CELF4: variants seen among roughly 807,000 people sequenced by gnomAD.
The protein encoded by CELF4 is CUGBP Elav-like family member 4.
A neutral mutation model predicts 59.9 loss-of-function variants in CELF4; 18 were observed. The observed-to-expected ratio is 0.30, with a 90% CI of 0.21 to 0.45. The LOEUF (loss-of-function observed/expected upper bound fraction) is 0.45. CELF4 is among the 20% of genes least tolerant of loss of function. CELF4 has a pLI of 1.00. For synonymous variants in CELF4, 261 were observed against 267.1 expected (o/e 0.98, Z 0.22); for missense variants, 456 against 689.0 (o/e 0.66, Z 3.79).
In CELF4 at chr18:37,243,842, A is replaced by G; in HGVS notation, c.*1400T>C. On this transcript the variant is annotated 3_prime_UTR_variant, in exon 13 of 13. Coordinates refer to ENST00000420428, the MANE Select transcript of CELF4 (RefSeq NM_020180.4). The stretch of plus-strand genomic sequence containing the variant: ...GGAAAGTCTCTGGAGCAAGCGTGGA[A>G]GGCGAGTGAAGCGGAAGGTGAGTGA... 5.8e-6 allele frequency: 1 copy of G among 173,328 alleles called. No individual in the cohort carries two copies. The highest frequency in any genetic ancestry group is 1.2e-5 in the Non-Finnish European group (1 of 80,944). 10.7% of individuals were successfully genotyped at this position (173,328 alleles called of 1,614,324 possible). A position where few individuals can be genotyped will look rare whatever the true frequency, so the allele number is the denominator to read the frequency against.
chr18:37,373,277 C>T (rs960511202), intron 2 of CELF4, among the ~76,000 whole-genome samples: 2 of 152,206 alleles, frequency 1.3e-5, no homozygotes, highest in East Asian at 1.9e-4. Flanking sequence ...AAGCTGGTCT[C>T]GACTGAGGGT....
At chr18:37,341,998 T>A (rs1014634761) in intron 2 of CELF4, among the ~76,000 whole-genome samples, 3 of 152,124 alleles carry the variant, frequency 2.0e-5, no homozygotes, top group African/African-American at 7.2e-5. Flanking sequence ...GTCTGCAGGT[T>A]GCATGTCTGT....
intron 1 of CELF4, among the ~76,000 whole-genome samples, chr18:37,530,256 A>G: frequency 6.6e-6 from 1 of 152,194 alleles, no homozygotes; most frequent in Admixed American, 6.5e-5. Flanking sequence ...GGCTTTTGCA[A>G]TGATTGTGTC....
chr18:37,255,947 G>T (rs973601898), intron 11 of CELF4, among the ~76,000 whole-genome samples: 1 of 152,204 alleles, frequency 6.6e-6, no homozygotes, highest in African/African-American at 2.4e-5. Flanking sequence ...CAGCCTTCCT[G>T]GAAGAGTTTA....
intron 1 of CELF4, among the ~76,000 whole-genome samples, chr18:37,512,546 G>A (rs1278354616): frequency 6.9e-6 from 1 of 145,928 alleles, no homozygotes; most frequent in East Asian, 2.0e-4. Context: ...TCCATCTCCT[G>A]TCCTTTCTTC....
intron 3 of CELF4, chr18:37,276,528 C>T (rs2093316195): frequency 1.3e-5 from 2 of 152,148 alleles, no homozygotes; most frequent in Admixed American, 6.5e-5. Context: ...TTAGCCCATG[C>T]AGAAGAGTCC....
At chr18:37,257,283 G>C (rs1470866389) in intron 11 of CELF4, among the ~76,000 whole-genome samples, 1 of 152,194 alleles carries the variant, frequency 6.6e-6, no homozygotes, top group Non-Finnish European at 1.5e-5. Context: ...TGGGCTCTCA[G>C]CAGCGCTCTT....
At chr18:37,427,385 C>T (rs2099620966) in intron 2 of CELF4, among the ~76,000 whole-genome samples, 1 of 152,186 alleles carries the variant, frequency 6.6e-6, no homozygotes, top group Non-Finnish European at 1.5e-5. Context: ...CCAAACCCAG[C>T]TCTCCCCAGG....
intron 2 of CELF4, among the ~76,000 whole-genome samples, chr18:37,449,486 G>A (rs1328012085): frequency 1.3e-5 from 2 of 152,132 alleles, no homozygotes; most frequent in African/African-American, 4.8e-5. Context: ...AGGGTTCTTT[G>A]AGAAGCCCTA....
At chr18:37,529,386 C>T (rs750547686) in intron 1 of CELF4, among the ~76,000 whole-genome samples, 6 of 152,182 alleles carry the variant, frequency 3.9e-5, no homozygotes, top group Non-Finnish European at 7.3e-5. Context: ...GAGGTGCTTA[C>T]GACACTGTCT....
intron 1 of CELF4, among the ~76,000 whole-genome samples, chr18:37,533,067 C>G (rs532911869): frequency 6.6e-6 from 1 of 152,372 alleles, no homozygotes; most frequent in East Asian, 1.9e-4. Context: ...CGTGGGCGGC[C>G]ACTTCCAGAA....
chr18:37,550,215 A>G (rs1321065015), intron 1 of CELF4, among the ~76,000 whole-genome samples: 1 of 152,120 alleles, frequency 6.6e-6, no homozygotes, highest in Non-Finnish European at 1.5e-5. Context: ...CTATTTATGA[A>G]GCCAGATGAG....
intron 2 of CELF4, among the ~76,000 whole-genome samples, chr18:37,326,468 C>T (rs62085194): frequency 6.6e-6 from 1 of 152,120 alleles, no homozygotes; most frequent in African/African-American, 2.4e-5. Flanking sequence ...GGAATCTGGG[C>T]TGGGGTGCAG....
At chr18:37,252,400 G>A (rs185863659) in intron 12 of CELF4, among the ~76,000 whole-genome samples, 1 of 152,080 alleles carries the variant, frequency 6.6e-6, no homozygotes, top group East Asian at 1.9e-4. Flanking sequence ...AGAAGCCAGG[G>A]TGACCCCACT....
chr18:37,485,298 C>T (rs1433744181), intron 2 of CELF4, among the ~76,000 whole-genome samples: 2 of 151,838 alleles, frequency 1.3e-5, no homozygotes, highest in South Asian at 2.1e-4. Flanking sequence ...CCAGGCTGCC[C>T]GCGCAGGAAC....
intron 2 of CELF4, among the ~76,000 whole-genome samples, chr18:37,469,774 T>A (rs1282033307): frequency 6.6e-6 from 1 of 152,214 alleles, no homozygotes; most frequent in Non-Finnish European, 1.5e-5. Flanking sequence ...CATTGATTTA[T>A]CTATCAGTGA....
At chr18:37,448,114 C>T (rs1254629054) in intron 2 of CELF4, among the ~76,000 whole-genome samples, 4 of 152,238 alleles carry the variant, frequency 2.6e-5, no homozygotes, top group Admixed American at 2.6e-4. Context: ...TTGTGCAGAG[C>T]ATCGCATAGT....
rs8091593 is a variant in CELF4, at chr18:37,344,045, C to A, written c.370-22164G>T. ...GCCCATTAGATCTCTTAGCATCAAC[C>A]TTTTACCCCCATTTTGCTCCTTTTC... is the stretch of plus-strand genomic sequence containing the variant. On this transcript the variant is annotated intron_variant, in intron 2 of 12. Coordinates refer to ENST00000420428, the MANE Select transcript of CELF4 (RefSeq NM_020180.4). Among the ~76,000 whole-genome samples, 233 of 152,320 alleles carry A rather than the reference C, an allele frequency of 1.5e-3. 1 individual carries two copies. Among genetic ancestry groups the A allele is most frequent in the African/African-American group, 5.4e-3 (223 of 41,570 alleles).
chr18:37,504,809 G>C (rs2099935845), intron 1 of CELF4, among the ~76,000 whole-genome samples: 1 of 152,194 alleles, frequency 6.6e-6, no homozygotes, highest in African/African-American at 2.4e-5. Flanking sequence ...CGAGAGGTGA[G>C]GTCAGAGCGC....
Sources: gnomAD v4.1 joint callset for allele counts (sites outside exome capture counted in the v4.1 genomes callset) on GRCh38, gnomAD v4.1.1 for gene constraint, MANE v1.5 for transcripts, NCBI Gene and HGNC (gene_info 2026-07-23, HGNC 2026-07-21) for gene names.